PAPPA2: variants seen among roughly 807,000 people sequenced by gnomAD.
The protein encoded by PAPPA2 is pappalysin 2.
A neutral mutation model predicts 176.4 loss-of-function variants in PAPPA2; 86 were observed. The ratio of observed to expected loss-of-function variants is 0.49; its 90% CI spans 0.41 to 0.58. The LOEUF is 0.58. PAPPA2 is among the 20% of genes least tolerant of loss of function. PAPPA2 has a pLI of 0.00. For synonymous variants in PAPPA2, 809 were observed against 852.2 expected (o/e 0.95, Z 0.88); for missense variants, 2,073 against 2,256.9 (o/e 0.92, Z 1.65).
At chr1:176,747,918 C>T (rs1181996507) in intron 14 of PAPPA2, among the ~76,000 whole-genome samples, 1 of 152,200 alleles carries the variant, frequency 6.6e-6, no homozygotes, top group African/African-American at 2.4e-5. Context: ...ACAGAAACCA[C>T]CCTTACTTCC....
intron 3 of PAPPA2, among the ~76,000 whole-genome samples, chr1:176,647,194 C>A (rs1434790343): frequency 6.6e-6 from 1 of 151,506 alleles, no homozygotes; most frequent in Non-Finnish European, 1.5e-5. Flanking sequence ...ACCTGTTTGC[C>A]ATTTGTATGT....
chr1:176,780,122 G>C (rs1275836683), intron 17 of PAPPA2, among the ~76,000 whole-genome samples: 3 of 152,176 alleles, frequency 2.0e-5, no homozygotes, highest in Non-Finnish European at 4.4e-5. Flanking sequence ...AAATAACTTT[G>C]CTTTCTCAAG....
At chr1:176,550,297 T>C (rs1441391467) in intron 1 of PAPPA2, among the ~76,000 whole-genome samples, 1 of 152,220 alleles carries the variant, frequency 6.6e-6, no homozygotes, top group East Asian at 1.9e-4. Context: ...TGCATACAAA[T>C]GTGGATTAAG....
chr1:176,562,358 C>T (rs1023213221), intron 2 of PAPPA2, among the ~76,000 whole-genome samples: 20 of 152,076 alleles, frequency 1.3e-4, no homozygotes, highest in Non-Finnish European at 1.0e-4. Context: ...GGCAGATTCA[C>T]GTAGATGTGA....
chr1:176,827,876 T>C (rs1386755326), intron 21 of PAPPA2, among the ~76,000 whole-genome samples: 4 of 152,182 alleles, frequency 2.6e-5, no homozygotes, highest in African/African-American at 9.7e-5. Context: ...TAAAGGATTT[T>C]TTCTGGATAA....
chr1:176,739,561 G>T, intron 12 of PAPPA2, 65 bp from the exon 13 acceptor site: 1 of 1,505,468 alleles, frequency 6.6e-7, no homozygotes, highest in South Asian at 1.3e-5. Context: ...AATAAAAATT[G>T]TATAGCACAT....
At chr1:176,560,397 G>A (rs1651595190) in intron 2 of PAPPA2, among the ~76,000 whole-genome samples, 1 of 152,216 alleles carries the variant, frequency 6.6e-6, no homozygotes, top group African/African-American at 2.4e-5. Flanking sequence ...TTTGGGTGCT[G>A]AACGTCTCTC....
chr1:176,532,670 C>T (rs537579742), intron 1 of PAPPA2, among the ~76,000 whole-genome samples: 42 of 152,304 alleles, frequency 2.8e-4, no homozygotes, highest in South Asian at 2.5e-3. Context: ...TGTGGGTCAA[C>T]GCAGCATCAC....
At chr1:176,592,202 A>G (rs1242356781) in intron 2 of PAPPA2, among the ~76,000 whole-genome samples, 2 of 152,202 alleles carry the variant, frequency 1.3e-5, no homozygotes, top group African/African-American at 2.4e-5. Flanking sequence ...AGTATGAACA[A>G]TGGTAACAAA....
chr1:176,664,658 C>T (rs552888611), intron 3 of PAPPA2, among the ~76,000 whole-genome samples: 3 of 152,208 alleles, frequency 2.0e-5, no homozygotes, highest in Non-Finnish European at 2.9e-5. Flanking sequence ...TATTATGACA[C>T]TAGACTTTAA....
chr1:176,828,443 G>A (rs940531230), intron 21 of PAPPA2, among the ~76,000 whole-genome samples: 10 of 151,584 alleles, frequency 6.6e-5, no homozygotes, highest in Admixed American at 3.9e-4. Flanking sequence ...GCATCTATAC[G>A]TGCGTATAAA....
chr1:176,683,018 ATTT>A (rs1192471280), intron 4 of PAPPA2, among the ~76,000 whole-genome samples: 11 of 145,868 alleles, frequency 7.5e-5, no homozygotes, highest in African/African-American at 2.8e-4. Context: ...CTATTTATTT[ATTT>A]ATTTATTTAT....
chr1:176,789,048 C>G (rs374332711), intron 17 of PAPPA2, among the ~76,000 whole-genome samples: 2 of 152,166 alleles, frequency 1.3e-5, no homozygotes, highest in Non-Finnish European at 2.9e-5. Context: ...CCTGACATTT[C>G]GTTGTACTTA....
chr1:176,481,913 T>C (rs1652421465), intron 1 of PAPPA2, among the ~76,000 whole-genome samples: 1 of 152,032 alleles, frequency 6.6e-6, no homozygotes, highest in Non-Finnish European at 1.5e-5. Context: ...GGTTTCACCA[T>C]GTTGGCCAGG....
rs747061312 is a variant in PAPPA2 at position 176,699,581 on chromosome 1, C to G, written c.3228C>G (p.Phe1076Leu). ...PVVVTHSHRK[F>L]TDVEVTPGQM... ...TGGTGACACATTCTCACAGGAAGTTCACGGACGTGTGAGTTTGGTAGCATG... is the reference window on the plus strand; with the variant it reads ...TGGTGACACATTCTCACAGGAAGTTGACGGACGTGTGAGTTTGGTAGCATG... Residue 1076 changes from phenylalanine to leucine, a missense_variant, in exon 8 of 23, where the codon TTC (phenylalanine) becomes TTG (leucine). Around this residue, in one of 4 missense-constraint regions of PAPPA2, gnomAD observed 846 missense variants for 857.9 expected, o/e 0.99. Coordinates refer to ENST00000367662, the MANE Select transcript of PAPPA2 (RefSeq NM_020318.3). 5.6e-6 allele frequency: 9 copies of G among 1,599,994 alleles called. No homozygotes were observed. Among genetic ancestry groups the G allele is most frequent in the Non-Finnish European group, 7.7e-6 (9 of 1,169,394 alleles).
chr1:176,835,090 G>A (rs139058178), intron 21 of PAPPA2, among the ~76,000 whole-genome samples: 3 of 152,280 alleles, frequency 2.0e-5, no homozygotes, highest in African/African-American at 7.2e-5. Flanking sequence ...AGCCCCTTCT[G>A]TAAAGGTGCC....
At chr1:176,473,837 G>T (rs368898003) in intron 1 of PAPPA2, among the ~76,000 whole-genome samples, 11 of 152,118 alleles carry the variant, frequency 7.2e-5, no homozygotes, top group African/African-American at 2.7e-4. Context: ...ATCTTCTTTG[G>T]TGAGGTTTCT....
At chr1:176,579,940 A>C (rs1030734119) in intron 2 of PAPPA2, among the ~76,000 whole-genome samples, 52 of 152,344 alleles carry the variant, frequency 3.4e-4, no homozygotes, top group African/African-American at 1.2e-3. Flanking sequence ...ATATTTATGA[A>C]GTATGTAGTG....
chr1:176,598,451 T>G (rs1654106270), intron 3 of PAPPA2, among the ~76,000 whole-genome samples: 1 of 152,232 alleles, frequency 6.6e-6, no homozygotes, highest in South Asian at 2.1e-4. Flanking sequence ...ATCAATTGTA[T>G]GTATTATAGT....
Sources: allele counts gnomAD v4.1 joint callset (sites outside exome capture counted in the v4.1 genomes callset), GRCh38; gene constraint gnomAD v4.1.1; regional missense constraint gnomAD v4.1.1; transcripts MANE v1.5; gene names NCBI Gene and HGNC (gene_info 2026-07-23, HGNC 2026-07-21).